LUZP2: variants seen among roughly 807,000 people sequenced by gnomAD.
The protein encoded by LUZP2 is leucine zipper protein 2.
A neutral mutation model predicts 51.6 loss-of-function variants in LUZP2; 52 were observed. The ratio of observed to expected loss-of-function variants is 1.01; its 90% CI spans 0.81 to 1.27. The LOEUF (loss-of-function observed/expected upper bound fraction) is 1.27. LUZP2 is among the 50% of genes most tolerant of loss of function. LUZP2 has a pLI of 0.00. For missense variants in LUZP2, 436 were observed against 395.4 expected, an observed-to-expected ratio of 1.10 and a Z score of -0.87; for synonymous variants, 154 against 137.3, an observed-to-expected ratio of 1.12 and a Z score of -0.85.
chr11:24,981,690 T>G (rs1269305650), intron 8 of LUZP2, among the ~76,000 whole-genome samples: 1 of 151,856 alleles, frequency 6.6e-6, no homozygotes. Context: ...TTTACCATTA[T>G]GTGGGGAAAT....
At chr11:24,765,953 G>GT (rs1860175967) in intron 5 of LUZP2, among the ~76,000 whole-genome samples, 1 of 152,024 alleles carries the variant, frequency 6.6e-6, no homozygotes, top group Admixed American at 6.6e-5. Context: ...TAGAGAAGGG[G>GT]TTTCTCTATG....
At chr11:24,881,399 G>A (rs1478015444) in intron 5 of LUZP2, among the ~76,000 whole-genome samples, 1 of 152,000 alleles carries the variant, frequency 6.6e-6, no homozygotes, top group Non-Finnish European at 1.5e-5. Flanking sequence ...TTAGGTCTGA[G>A]TATTTGTCTG....
intron 9 of LUZP2, among the ~76,000 whole-genome samples, chr11:25,032,319 A>C (rs1446537811): frequency 6.6e-6 from 1 of 152,318 alleles, no homozygotes; most frequent in South Asian, 2.1e-4. Flanking sequence ...CAGCAGCAGT[A>C]GGAAACTAAT....
intron 1 of LUZP2, among the ~76,000 whole-genome samples, chr11:24,573,422 G>C (rs759611779): frequency 7.2e-5 from 11 of 151,762 alleles, no homozygotes; most frequent in Non-Finnish European, 1.6e-4. Context: ...AATAATCAGG[G>C]CTTCCCAAAG....
rs1850039942 is a variant in LUZP2 at position 24,502,867 on chromosome 11, C to A, written c.62+5562C>A. Among the ~76,000 whole-genome samples, 3 of 152,084 alleles carry A rather than the reference C, an allele frequency of 2.0e-5. No individual in the cohort carries two copies. In the South Asian group the frequency reaches 6.2e-4, roughly 32 times the overall value. The stretch of plus-strand genomic sequence containing the variant: ...AAATCAAAGCTGTGAGTACAAGTGT[C>A]AAGGAATAAAAGTGGAAGTTTTCAA... On this transcript the variant is annotated intron_variant, in intron 1 of 11. Transcript: ENST00000336930.
chr11:24,555,829 A>G (rs924333291), intron 1 of LUZP2, among the ~76,000 whole-genome samples: 1 of 152,146 alleles, frequency 6.6e-6, no homozygotes, highest in African/African-American at 2.4e-5. Flanking sequence ...GAATAAAAAA[A>G]TTAGCTGGGC....
intron 1 of LUZP2, among the ~76,000 whole-genome samples, chr11:24,536,738 T>C (rs1851191528): frequency 6.6e-6 from 1 of 151,916 alleles, no homozygotes; most frequent in Non-Finnish European, 1.5e-5. Flanking sequence ...AGTAGCACTT[T>C]TAATTTCCTT....
intron 10 of LUZP2, among the ~76,000 whole-genome samples, chr11:25,051,122 T>C (rs974563829): frequency 5.9e-5 from 9 of 151,922 alleles, no homozygotes; most frequent in African/African-American, 1.9e-4. Flanking sequence ...TAAGGAGGAA[T>C]AGAAAAGTAA....
chr11:24,506,747 A>G (rs1478410301), intron 1 of LUZP2, among the ~76,000 whole-genome samples: 4 of 152,048 alleles, frequency 2.6e-5, no homozygotes, highest in Admixed American at 2.0e-4. Context: ...TATATGATTC[A>G]TCACTAGGGA....
chr11:24,922,672 A>T (rs1275984286), intron 7 of LUZP2, among the ~76,000 whole-genome samples: 1 of 152,112 alleles, frequency 6.6e-6, no homozygotes, highest in Non-Finnish European at 1.5e-5. Context: ...AGAAGCTGTA[A>T]GCTTGTCAAA....
In LUZP2 at chr11:24,878,783, C is replaced by T. The variant is rs1018630579; in HGVS notation, c.397-27208C>T. ...GTTCCCTCCTTTTGCCCCCCACACC[C>T]TAACAGGCCCTGGTGTATGCTGTTC... On this transcript the variant is annotated intron_variant, in intron 5 of 11. Transcript: ENST00000336930. 1.1e-4 allele frequency among the ~76,000 whole-genome samples: 16 copies of T among 151,842 alleles called. 1 individual carries two copies. In the East Asian group the frequency reaches 2.1e-3, roughly 20 times the overall value.
chr11:24,599,975 C>A (rs1329262189), intron 1 of LUZP2, among the ~76,000 whole-genome samples: 1 of 151,964 alleles, frequency 6.6e-6, no homozygotes, highest in Non-Finnish European at 1.5e-5. Flanking sequence ...CAAGTAAACT[C>A]ATATTATTAA....
intron 1 of LUZP2, among the ~76,000 whole-genome samples, chr11:24,607,879 C>A (rs189420735): frequency 1.3e-5 from 2 of 149,608 alleles, no homozygotes; most frequent in African/African-American, 4.9e-5. Flanking sequence ...GACGGAGTCT[C>A]GCTCTGTCAC....
At chr11:25,054,829 T>G (rs1384588214) in intron 10 of LUZP2, among the ~76,000 whole-genome samples, 1 of 152,100 alleles carries the variant, frequency 6.6e-6, no homozygotes, top group East Asian at 1.9e-4. Context: ...CAATCAGTTT[T>G]GAAGTCTACA....
chr11:24,864,029 G>C (rs529830217), intron 5 of LUZP2, among the ~76,000 whole-genome samples: 5 of 152,076 alleles, frequency 3.3e-5, no homozygotes, highest in Non-Finnish European at 5.9e-5. Context: ...AACTTAGAGG[G>C]TGCTGAAGTA....
chr11:24,729,261 T>C lies in LUZP2; in HGVS notation c.155T>C (p.Leu52Pro), dbSNP rs1186534695. ...LRQLTKTSRELDGIKVNLQSL... is the reference protein window; with the variant it reads ...LRQLTKTSREPDGIKVNLQSL... The stretch of plus-strand genomic sequence containing the variant: ...CAGCTGACAAAGACATCAAGAGAAC[T>C]TGATGGAATTAAAGTCAATCTTCAG... Residue 52 changes from leucine to proline, a missense_variant, in exon 2 of 12, where the codon CTT (leucine) becomes CCT (proline). Leu to Pro is a moderately conservative substitution (Grantham distance 98). Transcript: ENST00000336930. 3 of 1,556,116 alleles carry C rather than the reference T, an allele frequency of 1.9e-6. No individual in the cohort carries two copies. Among genetic ancestry groups the C allele is most frequent in the Middle Eastern group, 1.7e-4 (1 of 5,814 alleles).
At chr11:24,630,177 A>G (rs563511684) in intron 1 of LUZP2, among the ~76,000 whole-genome samples, 2 of 151,984 alleles carry the variant, frequency 1.3e-5, no homozygotes, top group South Asian at 4.2e-4. Flanking sequence ...TTTCCTGTAC[A>G]GAAGCTTTTT....
intron 10 of LUZP2, among the ~76,000 whole-genome samples, chr11:25,068,140 G>GA (rs1266801430): frequency 2.0e-5 from 3 of 151,926 alleles, no homozygotes; most frequent in Non-Finnish European, 2.9e-5. Flanking sequence ...ACAGGGAGGG[G>GA]AACATCACAC....
At chr11:24,589,074 G>A (rs1509597) in intron 1 of LUZP2, among the ~76,000 whole-genome samples, 66,527 of 151,928 alleles carry the variant, frequency 0.44, 15,513 homozygotes, top group East Asian at 0.59. Flanking sequence ...TCATGTGAAT[G>A]AATTTATACC....
Sources: gnomAD v4.1 joint callset for allele counts (sites outside exome capture counted in the v4.1 genomes callset) on GRCh38, gnomAD v4.1.1 for gene constraint, MANE v1.5 for transcripts, NCBI Gene and HGNC (gene_info 2026-07-23, HGNC 2026-07-21) for gene names.